The following SUMF1 variants were observed in gnomAD, a reference collection of about 807,000 sequenced individuals.
SUMF1 encodes the protein formylglycine-generating enzyme.
In SUMF1, 48 loss-of-function variants were observed where a neutral mutation model predicts 47.6. The observed-to-expected ratio is 1.01, with a 90% CI of 0.80 to 1.28. The LOEUF (loss-of-function observed/expected upper bound fraction) is 1.28, where lower values mean the gene tolerates loss of function less well. SUMF1 is among the 50% of genes most tolerant of loss of function. The pLI is 0.00. For missense variants in SUMF1, 571 were observed against 485.4 expected, an observed-to-expected ratio of 1.18 and a Z score of -1.66; for synonymous variants, 230 against 192.1, an observed-to-expected ratio of 1.20 and a Z score of -1.63.
intron 8 of SUMF1, among the ~76,000 whole-genome samples, chr3:4,185,493 A>G (rs956060376): frequency 2.6e-5 from 4 of 152,178 alleles, no homozygotes; most frequent in African/African-American, 7.2e-5. Context: ...TCCTCAACAG[A>G]TATATGAGAG....
intron 8 of SUMF1, among the ~76,000 whole-genome samples, chr3:4,308,605 T>C: frequency 6.6e-6 from 1 of 152,222 alleles, no homozygotes; most frequent in Non-Finnish European, 1.5e-5. Flanking sequence ...ATCTGAAGCC[T>C]AGCCAGTCAC....
chr3:4,331,021 A>G (rs893082028), intron 8 of SUMF1, among the ~76,000 whole-genome samples: 2 of 152,208 alleles, frequency 1.3e-5, no homozygotes, highest in African/African-American at 4.8e-5. Context: ...CTGTATAGAA[A>G]AAGTAAATAA....
rs1388791706 is a variant in SUMF1 at position 4,365,412 on chromosome 3, C to A, written c.1015-3158G>T. 1.6e-5 allele frequency among the ~76,000 whole-genome samples: 2 copies of A among 123,708 alleles called. 1 individual carries two copies. The highest frequency in any genetic ancestry group is 5.6e-5 in the African/African-American group (2 of 35,514). The allele number at this position is 123,708 out of a possible 152,430, so 81.2% of individuals were successfully genotyped here. A position where few individuals can be genotyped will look rare whatever the true frequency, so the allele number is the denominator to read the frequency against. On this transcript the variant is annotated intron_variant, in intron 8 of 8. Coordinates refer to ENST00000272902, the MANE Select transcript of SUMF1 (RefSeq NM_182760.4). ...AATCTGGGTGCTTCTGTATTGGGTG[C>A]ATATATATTTAGGATAGTTAGCTCT...
At chr3:4,440,662 G>A (rs1444598744) in intron 3 of SUMF1, among the ~76,000 whole-genome samples, 2 of 152,160 alleles carry the variant, frequency 1.3e-5, no homozygotes, top group African/African-American at 4.8e-5. Context: ...AGTTTTTACT[G>A]CAGGGGGAAA....
At chr3:4,170,543 T>A (rs996285217) in intron 8 of SUMF1, among the ~76,000 whole-genome samples, 10 of 152,164 alleles carry the variant, frequency 6.6e-5, no homozygotes, top group Non-Finnish European at 1.3e-4. Context: ...TTTTGAAAAA[T>A]GAACACAGTT....
chr3:4,043,646 C>T (rs1260435660), intron 9 of SUMF1, among the ~76,000 whole-genome samples: 1 of 152,104 alleles, frequency 6.6e-6, no homozygotes, highest in Non-Finnish European at 1.5e-5. Flanking sequence ...TTTCCCCATC[C>T]TCTCTTCTTC....
intron 8 of SUMF1, among the ~76,000 whole-genome samples, chr3:4,169,225 A>G (rs1694777187): frequency 6.6e-6 from 1 of 152,164 alleles, no homozygotes; most frequent in South Asian, 2.1e-4. Flanking sequence ...CTTAATCACT[A>G]TTATAGGTTG....
intron 8 of SUMF1, among the ~76,000 whole-genome samples, chr3:4,159,727 T>A (rs1280032658): frequency 6.6e-6 from 1 of 152,170 alleles, no homozygotes; most frequent in African/African-American, 2.4e-5. Context: ...TTAGCATTTC[T>A]TATAGGACAG....
At chr3:4,194,061 T>C (rs1298095845) in intron 8 of SUMF1, among the ~76,000 whole-genome samples, 2 of 152,166 alleles carry the variant, frequency 1.3e-5, no homozygotes, top group East Asian at 1.9e-4. Flanking sequence ...ATTGCAACAC[T>C]GTCCAATAGA....
intron 8 of SUMF1, among the ~76,000 whole-genome samples, chr3:4,186,569 C>T (rs1695204856): frequency 6.6e-6 from 1 of 152,070 alleles, no homozygotes; most frequent in African/African-American, 2.4e-5. Context: ...AAATAGAATG[C>T]ATTACTCTAC....
At position 4,361,867 on chromosome 3, in the gene SUMF1, A is replaced by C; in HGVS notation, c.*277T>G. 1 of 430,932 alleles carries C rather than the reference A, an allele frequency of 2.3e-6. No individual in the cohort carries two copies. Among genetic ancestry groups the C allele is most frequent in the Admixed American group, 3.5e-5 (1 of 28,280 alleles). 26.7% of individuals were successfully genotyped at this position (430,932 alleles called of 1,614,324 possible). A position where few individuals can be genotyped will look rare whatever the true frequency, so the allele number is the denominator to read the frequency against. ...CCTGCGTAGGACGCGGGCCTCCTGA[A>C]GCCTAGCTCAGGGTTCCCTCCACTC... On this transcript the variant is annotated 3_prime_UTR_variant, in exon 9 of 9. Transcript: ENST00000272902.
At chr3:4,426,338 CCA>C (rs1702066548) in intron 3 of SUMF1, among the ~76,000 whole-genome samples, 1 of 152,132 alleles carries the variant, frequency 6.6e-6, no homozygotes, top group African/African-American at 2.4e-5. Flanking sequence ...CAAAGTCACC[CCA>C]CAACTGAGGA....
chr3:4,286,088 T>A (rs1697627149), intron 8 of SUMF1, among the ~76,000 whole-genome samples: 1 of 152,122 alleles, frequency 6.6e-6, no homozygotes, highest in African/African-American at 2.4e-5. Flanking sequence ...ACTCATTTGT[T>A]ATATGCTTAA....
intron 8 of SUMF1, among the ~76,000 whole-genome samples, chr3:4,238,902 T>C (rs1696474019): frequency 6.6e-6 from 1 of 152,226 alleles, no homozygotes; most frequent in Admixed American, 6.5e-5. Context: ...GCTTTTATGG[T>C]TTTAGGTCTT....
chr3:4,421,594 C>T (rs1319499884), intron 3 of SUMF1, among the ~76,000 whole-genome samples: 1 of 152,170 alleles, frequency 6.6e-6, no homozygotes, highest in Non-Finnish European at 1.5e-5. Flanking sequence ...ATCCTCCCGC[C>T]TCACCATCCC....
chr3:4,356,126 G>A (rs17040474), intron 8 of SUMF1, among the ~76,000 whole-genome samples: 4 of 152,142 alleles, frequency 2.6e-5, no homozygotes, highest in Admixed American at 6.5e-5. Flanking sequence ...TGAGGCTCTC[G>A]GAGTTAATAA....
chr3:4,245,643 G>C (rs1238565595), intron 8 of SUMF1, among the ~76,000 whole-genome samples: 3 of 152,122 alleles, frequency 2.0e-5, no homozygotes, highest in Non-Finnish European at 4.4e-5. Context: ...ACCTGTATGA[G>C]GTGTCTGTCA....
intron 3 of SUMF1, among the ~76,000 whole-genome samples, chr3:4,437,068 C>T (rs780605052): frequency 3.3e-5 from 5 of 152,084 alleles, no homozygotes; most frequent in Non-Finnish European, 5.9e-5. Flanking sequence ...TTACTACCAA[C>T]GGATATCCTT....
chr3:4,253,741 G>A (rs1480713525), intron 8 of SUMF1, among the ~76,000 whole-genome samples: 1 of 145,716 alleles, frequency 6.9e-6, no homozygotes, highest in Non-Finnish European at 1.5e-5. Context: ...CAGGAAGCTC[G>A]AATTGGGTGG....
Sources: allele counts gnomAD v4.1 joint callset (sites outside exome capture counted in the v4.1 genomes callset), GRCh38; gene constraint gnomAD v4.1.1; transcripts MANE v1.5; gene names NCBI Gene and HGNC (gene_info 2026-07-23, HGNC 2026-07-21).